Variants in WWOX observed in about 807,000 individuals in gnomAD.
The protein encoded by WWOX is WW domain containing oxidoreductase, also known as WW domain-containing oxidoreductase.
WWOX carries 69 observed loss-of-function variants against 46.2 expected under a neutral mutation model. The ratio of observed to expected loss-of-function variants is 1.49; its 90% CI spans 1.23 to 1.82. WWOX has a LOEUF of 1.82. WWOX is among the 40% of genes most tolerant of loss of function. The probability of loss-of-function intolerance (pLI) is 0.00; values close to 1 mark genes in which losing one functional copy is unlikely to be tolerated. For missense variants in WWOX, 919 were observed against 542.6 expected, an observed-to-expected ratio of 1.69 and a Z score of -6.89; for synonymous variants, 359 against 202.6, an observed-to-expected ratio of 1.77 and a Z score of -6.56.
At chr16:78,577,421 G>T (rs1458133485) in intron 8 of WWOX, among the ~76,000 whole-genome samples, 1 of 152,064 alleles carries the variant, frequency 6.6e-6, no homozygotes, top group African/African-American at 2.4e-5. Flanking sequence ...TGAGTAAAGG[G>T]TGCCCTGACC....
intron 8 of WWOX, among the ~76,000 whole-genome samples, chr16:79,023,211 G>T (rs1192694627): frequency 6.6e-6 from 1 of 152,188 alleles, no homozygotes; most frequent in Non-Finnish European, 1.5e-5. Context: ...TGGGAAAACA[G>T]TCCATCTTGT....
chr16:78,468,911 C>T (rs1056124342), intron 8 of WWOX, among the ~76,000 whole-genome samples: 2 of 152,150 alleles, frequency 1.3e-5, no homozygotes, highest in East Asian at 3.9e-4. Flanking sequence ...TAACCTGTAA[C>T]CCCCTCTACC....
At chr16:78,805,065 A>T (rs1323418770) in intron 8 of WWOX, among the ~76,000 whole-genome samples, 1 of 152,258 alleles carries the variant, frequency 6.6e-6, no homozygotes, top group Non-Finnish European at 1.5e-5. Context: ...TTAAAAATAA[A>T]AGTACTTTTC....
intron 8 of WWOX, among the ~76,000 whole-genome samples, chr16:78,894,020 T>TTTACTATTATTATTATTATTA (rs1555561418): frequency 3.6e-5 from 5 of 140,078 alleles, no homozygotes; most frequent in Admixed American, 1.5e-4. Context: ...TATTGAGGCT[T>TTTACTATTATTATTATTATTA]TTATTATTAT....
intron 8 of WWOX, among the ~76,000 whole-genome samples, chr16:78,522,279 A>C (rs1293736236): frequency 2.0e-5 from 3 of 152,100 alleles, no homozygotes; most frequent in African/African-American, 4.8e-5. Flanking sequence ...AAAAAAAAAA[A>C]CTAGTGAAAT....
chr16:78,733,898 T>C (rs113283114), intron 8 of WWOX, among the ~76,000 whole-genome samples: 94 of 151,962 alleles, frequency 6.2e-4, no homozygotes, highest in Non-Finnish European at 1.1e-3. Flanking sequence ...AGACCTCATC[T>C]CTACAAAAAA....
chr16:78,756,922 G>A, intron 8 of WWOX: 1 of 703,008 alleles, frequency 1.4e-6, no homozygotes, highest in Non-Finnish European at 2.6e-6. Flanking sequence ...CCTTACTGAT[G>A]TGGATCATTC....
intron 5 of WWOX, among the ~76,000 whole-genome samples, chr16:78,288,616 A>G (rs2079809619): frequency 6.6e-6 from 1 of 152,166 alleles, no homozygotes; most frequent in African/African-American, 2.4e-5. Flanking sequence ...CTTGTATTTT[A>G]GAAGAGCCTG....
intron 8 of WWOX, among the ~76,000 whole-genome samples, chr16:78,468,383 G>A (rs796324343): frequency 7.9e-5 from 12 of 151,104 alleles, no homozygotes; most frequent in African/African-American, 1.7e-4. Context: ...TTAACCCCAC[G>A]TATTGTTGCA....
At chr16:79,080,228 G>T (rs1324481698) in intron 8 of WWOX, among the ~76,000 whole-genome samples, 2 of 152,188 alleles carry the variant, frequency 1.3e-5, no homozygotes, top group East Asian at 1.9e-4. Context: ...CTTGGGAGGG[G>T]TGACACTAGC....
At chr16:78,410,868 A>G (rs2082664883) in intron 6 of WWOX, among the ~76,000 whole-genome samples, 1 of 151,892 alleles carries the variant, frequency 6.6e-6, no homozygotes. Context: ...TTGACTATGA[A>G]AGGACCTAAC....
rs2150867505 is a variant in WWOX at position 79,211,645 on chromosome 16, T to C, written c.1094T>C (p.Val365Ala). 6.2e-7 allele frequency: 1 copy of C among 1,614,180 alleles called. No homozygotes were observed. The highest frequency in any genetic ancestry group is 1.6e-4 in the Middle Eastern group (1 of 6,062). Residue 365 changes from valine to alanine, a missense_variant, in exon 9 of 9, where the codon GTC becomes GCC. Transcript: ENST00000566780. Reference sequence around the variant, plus strand: ...GCCACCACCGTGTACTGTGCTGCTGTCCCAGAACTGGAGGGTCTGGGAGGG... The same window carrying C: ...GCCACCACCGTGTACTGTGCTGCTGCCCCAGAACTGGAGGGTCTGGGAGGG... ...GAATTVYCAA[V>A]PELEGLGGMY... is the part of the protein sequence containing the mutation.
intron 8 of WWOX, among the ~76,000 whole-genome samples, chr16:78,975,138 G>A (rs1043268997): frequency 6.6e-6 from 1 of 152,172 alleles, no homozygotes; most frequent in Admixed American, 6.5e-5. Context: ...AGATACTCCA[G>A]TCCTTAAAAA....
At chr16:78,698,223 A>T (rs2048140959) in intron 8 of WWOX, among the ~76,000 whole-genome samples, 1 of 152,146 alleles carries the variant, frequency 6.6e-6, no homozygotes, top group South Asian at 2.1e-4. Context: ...TGGAGTTTGG[A>T]TTCGGGCACT....
At chr16:79,099,248 T>G (rs2049140867) in intron 8 of WWOX, among the ~76,000 whole-genome samples, 3 of 152,168 alleles carry the variant, frequency 2.0e-5, no homozygotes, top group Admixed American at 2.0e-4. Flanking sequence ...TCCTGACATC[T>G]TCACACAAGA....
intron 5 of WWOX, among the ~76,000 whole-genome samples, chr16:78,180,512 G>C (rs184215434): frequency 1.5e-3 from 235 of 152,030 alleles, no homozygotes; most frequent in Middle Eastern, 3.4e-3. Context: ...GGCAAATCCA[G>C]CTGCACAGGA....
chr16:79,184,934 C>G (rs1204989083), intron 8 of WWOX, among the ~76,000 whole-genome samples: 1 of 152,162 alleles, frequency 6.6e-6, no homozygotes, highest in African/African-American at 2.4e-5. Flanking sequence ...TAGGGATTCT[C>G]CTTTACATTT....
intron 8 of WWOX, among the ~76,000 whole-genome samples, chr16:78,966,009 A>C (rs1242421629): frequency 1.3e-5 from 2 of 152,188 alleles, no homozygotes; most frequent in Non-Finnish European, 2.9e-5. Context: ...CAAGAATGGA[A>C]AAAGTTATCT....
At chr16:78,189,220 A>G (rs899932157) in intron 5 of WWOX, among the ~76,000 whole-genome samples, 1 of 152,158 alleles carries the variant, frequency 6.6e-6, no homozygotes, top group Non-Finnish European at 1.5e-5. Context: ...GGCATGGGGC[A>G]CATTGTGACA....
Sources: gnomAD v4.1 joint callset for allele counts (sites outside exome capture counted in the v4.1 genomes callset) on GRCh38, gnomAD v4.1.1 for gene constraint, MANE v1.5 for transcripts, NCBI Gene and HGNC (gene_info 2026-07-23, HGNC 2026-07-21) for gene names.